PDE1A: variants seen among roughly 807,000 people sequenced by gnomAD.
The protein encoded by PDE1A is phosphodiesterase 1A.
In PDE1A, 35 loss-of-function variants were observed where a neutral mutation model predicts 61.7. The observed-to-expected ratio is 0.57, with a 90% CI of 0.43 to 0.75. PDE1A has a LOEUF of 0.75. Ranked by LOEUF, PDE1A falls within the 30% of genes least tolerant of loss-of-function variation. PDE1A has a pLI of 0.00. For missense variants in PDE1A, 597 were observed against 630.6 expected (o/e 0.95, Z 0.57); for synonymous variants, 232 against 213.2 (o/e 1.09, Z -0.77).
At position 182,194,552 on chromosome 2, in the gene PDE1A, T is replaced by G. The variant is rs1685976780; in HGVS notation, c.1126-5492A>C. On this transcript the variant is annotated intron_variant, in intron 10 of 13. Coordinates refer to ENST00000351439, the Ensembl canonical transcript of PDE1A. ...AAATGCCTTGGAAATGAGAACTCGC[T>G]CTACTGCCTTTTACCATTAGCAGCT... is the stretch of plus-strand genomic sequence containing the variant. Among the ~76,000 whole-genome samples, 4 of 152,226 alleles carry G rather than the reference T, an allele frequency of 2.6e-5. No individual in the cohort carries two copies. The South Asian group carries it at 8.3e-4, about 32-fold the overall frequency.
the PDE1A span, among the ~76,000 whole-genome samples, chr2:182,624,069 G>A: frequency 2.0e-5 from 3 of 147,170 alleles, no homozygotes; most frequent in Non-Finnish European, 4.4e-5. Context: ...AGCTTGCAGC[G>A]AGCTGAGATC....
chr2:182,548,034 G>A, the PDE1A span, among the ~76,000 whole-genome samples: 88 of 152,118 alleles, frequency 5.8e-4, no homozygotes, highest in African/African-American at 2.0e-3. Flanking sequence ...ACTGGAATTC[G>A]GTACCATTTA....
intron 10 of PDE1A, among the ~76,000 whole-genome samples, chr2:182,198,241 C>A (rs946197570): frequency 6.6e-6 from 1 of 151,912 alleles, no homozygotes; most frequent in Non-Finnish European, 1.5e-5. Flanking sequence ...AACTAATAAA[C>A]TCATTTATTA....
chr2:182,617,912 C>A, the PDE1A span, among the ~76,000 whole-genome samples: 1 of 152,148 alleles, frequency 6.6e-6, no homozygotes, highest in Admixed American at 6.5e-5. Context: ...TCTAACATAA[C>A]CTTATCATAG....
intron 1 of PDE1A, among the ~76,000 whole-genome samples, chr2:182,345,299 C>T (rs578191104): frequency 6.6e-6 from 1 of 152,208 alleles, no homozygotes; most frequent in Non-Finnish European, 1.5e-5. Context: ...CTTCAAGGTG[C>T]TAACCCACAC....
intron 2 of PDE1A, among the ~76,000 whole-genome samples, chr2:182,466,981 T>G (rs1686712758): frequency 6.6e-6 from 1 of 152,012 alleles, no homozygotes; most frequent in African/African-American, 2.4e-5. Flanking sequence ...TTAAGATTTG[T>G]CTTTTGAGCT....
chr2:182,393,719 C>T (rs188890217), intron 1 of PDE1A, among the ~76,000 whole-genome samples: 1 of 152,308 alleles, frequency 6.6e-6, no homozygotes, highest in Admixed American at 6.5e-5. Context: ...ATTTTTTCCA[C>T]CAGATACTCT....
At chr2:182,173,130 G>C (rs1275477859) in intron 13 of PDE1A, among the ~76,000 whole-genome samples, 1 of 151,866 alleles carries the variant, frequency 6.6e-6, no homozygotes, top group East Asian at 1.9e-4. Context: ...ACCATGAGCT[G>C]GTATTTCCTG....
intron 1 of PDE1A, among the ~76,000 whole-genome samples, chr2:182,295,415 A>C (rs997128692): frequency 1.3e-5 from 2 of 152,192 alleles, no homozygotes; most frequent in Non-Finnish European, 2.9e-5. Context: ...CCTATCTACT[A>C]TCAGATGGTC....
At chr2:182,306,687 A>G (rs890883733) in intron 1 of PDE1A, among the ~76,000 whole-genome samples, 2 of 152,200 alleles carry the variant, frequency 1.3e-5, no homozygotes, top group African/African-American at 4.8e-5. Context: ...TTGATTTTTG[A>G]TGAAAGTGCA....
At chr2:182,299,379 C>T (rs532539516) in intron 1 of PDE1A, among the ~76,000 whole-genome samples, 111 of 150,110 alleles carry the variant, frequency 7.4e-4, no homozygotes, top group African/African-American at 2.7e-3. Context: ...TCAGTAAGAG[C>T]CATTATGGTA....
intron 3 of PDE1A, among the ~76,000 whole-genome samples, chr2:182,237,473 G>A (rs183743669): frequency 1.3e-3 from 197 of 152,238 alleles, no homozygotes; most frequent in Middle Eastern, 3.4e-3. Context: ...GCCAGACTCC[G>A]TCTCAAAGAA....
intron 2 of PDE1A, among the ~76,000 whole-genome samples, chr2:182,456,850 T>C (rs923986835): frequency 6.6e-6 from 1 of 152,090 alleles, no homozygotes; most frequent in African/African-American, 2.4e-5. Context: ...CTCCAATTAA[T>C]ATAAACAGGT....
intron 13 of PDE1A, among the ~76,000 whole-genome samples, chr2:182,182,452 T>C (rs1315252041): frequency 6.6e-6 from 1 of 152,178 alleles, no homozygotes; most frequent in Non-Finnish European, 1.5e-5. Context: ...TAAGCTCCCA[T>C]GTGTCTCCTG....
At chr2:182,668,856 T>C in the PDE1A span, among the ~76,000 whole-genome samples, 2 of 152,106 alleles carry the variant, frequency 1.3e-5, no homozygotes, top group Non-Finnish European at 2.9e-5. Flanking sequence ...TCTCTCTCTC[T>C]CCTGCCTCGT....
chr2:182,464,632 T>C (rs1021530278), intron 2 of PDE1A, among the ~76,000 whole-genome samples: 1 of 152,040 alleles, frequency 6.6e-6, no homozygotes, highest in Non-Finnish European at 1.5e-5. Flanking sequence ...TTTATGACAA[T>C]TGCAGTAGAG....
intron 10 of PDE1A, among the ~76,000 whole-genome samples, chr2:182,200,687 T>G (rs946454184): frequency 6.6e-6 from 1 of 152,192 alleles, no homozygotes; most frequent in Non-Finnish European, 1.5e-5. Flanking sequence ...TTATCAAACC[T>G]AGAGAGGGTT....
At chr2:182,642,896 G>A in the PDE1A span, among the ~76,000 whole-genome samples, 1 of 152,058 alleles carries the variant, frequency 6.6e-6, no homozygotes, top group Non-Finnish European at 1.5e-5. Flanking sequence ...CCTTTAATTG[G>A]CTCCAGAAAT....
intron 11 of PDE1A, among the ~76,000 whole-genome samples, chr2:182,187,936 G>A (rs1032160618): frequency 1.4e-4 from 21 of 151,564 alleles, no homozygotes; most frequent in African/African-American, 2.9e-4. Flanking sequence ...TAGTAGAGAC[G>A]GGTTTCACCG....
Sources: gnomAD v4.1 joint callset for allele counts (sites outside exome capture counted in the v4.1 genomes callset) on GRCh38, gnomAD v4.1.1 for gene constraint, MANE v1.5 for transcripts, NCBI Gene and HGNC (gene_info 2026-07-23, HGNC 2026-07-21) for gene names.